Variants in RNF38 observed in about 807,000 individuals in gnomAD.
RNF38 encodes E3 ubiquitin-protein ligase RNF38.
In RNF38, 15 loss-of-function variants were observed where a neutral mutation model predicts 67.2. The ratio of observed to expected loss-of-function variants is 0.22; its 90% CI spans 0.15 to 0.34. RNF38 has a LOEUF of 0.34. RNF38 is among the 10% of genes least tolerant of loss of function. The pLI is 1.00. For missense variants in RNF38, 524 were observed against 639.9 expected (o/e 0.82, Z 1.95); for synonymous variants, 220 against 218.8 (o/e 1.01, Z -0.05).
chr9:36,384,285 T>G (rs1181484944), intron 2 of RNF38, among the ~76,000 whole-genome samples: 1 of 152,120 alleles, frequency 6.6e-6, no homozygotes, highest in Non-Finnish European at 1.5e-5. Context: ...TAAAACAACC[T>G]GAAATCAAGA....
chr9:36,431,986 AC>A (rs1347899445), intron 1 of RNF38, among the ~76,000 whole-genome samples: 34 of 152,124 alleles, frequency 2.2e-4, no homozygotes, highest in African/African-American at 7.0e-4. Flanking sequence ...GGGTTTTAGG[AC>A]CTCTGTGCCA....
chr9:36,430,737 G>A, intron 1 of RNF38, among the ~76,000 whole-genome samples: 1 of 151,966 alleles, frequency 6.6e-6, no homozygotes, highest in East Asian at 1.9e-4. Flanking sequence ...ACTTCGGGCG[G>A]CGGGGGTGCG....
At chr9:36,373,719 C>G (rs977640551) in intron 3 of RNF38, among the ~76,000 whole-genome samples, 2 of 151,880 alleles carry the variant, frequency 1.3e-5, no homozygotes, top group Admixed American at 6.6e-5. Flanking sequence ...AGGTGATCCG[C>G]CTGCCTCGGC....
chr9:36,391,274 A>G (rs560413356), intron 1 of RNF38, among the ~76,000 whole-genome samples: 1 of 152,218 alleles, frequency 6.6e-6, no homozygotes, highest in East Asian at 1.9e-4. Context: ...TGGTATGCCA[A>G]GGTGGGAGGA....
upstream of RNF38, chr9:36,401,166 C>T (rs1189552835): frequency 1.0e-6 from 1 of 984,930 alleles, no homozygotes; most frequent in Non-Finnish European, 1.2e-6. Context: ...CACCGCGCGC[C>T]GAACCCCCTT....
chr9:36,429,550 G>A (rs1211157536), intron 1 of RNF38, among the ~76,000 whole-genome samples: 1 of 152,198 alleles, frequency 6.6e-6, no homozygotes, highest in Non-Finnish European at 1.5e-5. Flanking sequence ...GGAGGCTGAG[G>A]TGGGAGGATC....
At chr9:36,446,800 T>G (rs1839311266) in intron 1 of RNF38, among the ~76,000 whole-genome samples, 1 of 96,672 alleles carries the variant, frequency 1.0e-5, no homozygotes. Context: ...AGAGTGAGAC[T>G]CCGCCTCAAG....
chr9:36,439,926 C>T (rs1002308669), intron 1 of RNF38, among the ~76,000 whole-genome samples: 4 of 151,856 alleles, frequency 2.6e-5, no homozygotes, highest in African/African-American at 9.7e-5. Flanking sequence ...TATCTATATA[C>T]TATTTATTAT....
chr9:36,427,698 TCTATCTAC>T (rs1445604059), intron 1 of RNF38, among the ~76,000 whole-genome samples: 2 of 139,894 alleles, frequency 1.4e-5, no homozygotes, highest in African/African-American at 3.1e-5. Context: ...TATCTATCTA[TCTATCTAC>T]CTACCTATCT....
chr9:36,399,925 C>T (rs1340271053), intron 1 of RNF38, among the ~76,000 whole-genome samples, 172 bp downstream of exon 1: 1 of 152,148 alleles, frequency 6.6e-6, no homozygotes, highest in East Asian at 1.9e-4. Flanking sequence ...GCTTTGTATA[C>T]ATTTAAGTTT....
chr9:36,391,403 T>C (rs927801422), intron 1 of RNF38, among the ~76,000 whole-genome samples: 14 of 152,164 alleles, frequency 9.2e-5, no homozygotes, highest in African/African-American at 3.4e-4. Context: ...AAAAAAATCA[T>C]GAACATAATG....
chr9:36,474,010 C>A (rs1407226325), intron 1 of RNF38, among the ~76,000 whole-genome samples: 2 of 130,400 alleles, frequency 1.5e-5, no homozygotes, highest in Non-Finnish European at 3.3e-5. Context: ...AAAAAACCCT[C>A]AATTTTTAAA....
chr9:36,381,301 AACTG>A (rs1363571171), intron 2 of RNF38, among the ~76,000 whole-genome samples: 2 of 152,174 alleles, frequency 1.3e-5, no homozygotes, highest in Non-Finnish European at 2.9e-5. Flanking sequence ...CAAATGACTG[AACTG>A]ACTCTCTCTT....
chr9:36,343,351 T>C, intron 10 of RNF38, among the ~76,000 whole-genome samples: 1 of 152,210 alleles, frequency 6.6e-6, no homozygotes, highest in East Asian at 1.9e-4. Flanking sequence ...GAAGACATTT[T>C]TGAAGATAAT....
At chr9:36,347,596 A>C (rs1833367931) in intron 9 of RNF38, among the ~76,000 whole-genome samples, 1 of 152,188 alleles carries the variant, frequency 6.6e-6, no homozygotes. Context: ...AGAAAACTTA[A>C]TTGATAAATG....
chr9:36,364,738 A>T (rs1349499861), intron 4 of RNF38, among the ~76,000 whole-genome samples: 7 of 152,222 alleles, frequency 4.6e-5, no homozygotes, highest in African/African-American at 1.7e-4. Flanking sequence ...TACAATGTGC[A>T]TTAGAATCAC....
At chr9:36,431,769 CCT>C (rs1838939680) in intron 1 of RNF38, among the ~76,000 whole-genome samples, 1 of 152,090 alleles carries the variant, frequency 6.6e-6, no homozygotes, top group African/African-American at 2.4e-5. Context: ...ATCTTCAGCC[CCT>C]CTCCTCTCTC....
chr9:36,351,946 A>G (rs556097269), intron 8 of RNF38, among the ~76,000 whole-genome samples: 1 of 152,334 alleles, frequency 6.6e-6, no homozygotes, highest in East Asian at 1.9e-4. Flanking sequence ...TCATAGTCAC[A>G]GGGCTAACGA....
intron 6 of RNF38, among the ~76,000 whole-genome samples, chr9:36,356,099 G>A (rs1407155666): frequency 7.9e-5 from 12 of 152,016 alleles, no homozygotes; most frequent in Admixed American, 2.0e-4. Context: ...TGCCTGCCTC[G>A]ACCTCCCAGG....
Sources: allele counts gnomAD v4.1 joint callset (sites outside exome capture counted in the v4.1 genomes callset), GRCh38; gene constraint gnomAD v4.1.1; transcripts MANE v1.5; gene names NCBI Gene and HGNC (gene_info 2026-07-23, HGNC 2026-07-21).